Variants in HYDIN observed in about 807,000 individuals in gnomAD.
HYDIN encodes HYDIN axonemal central pair apparatus protein.
In HYDIN, 132 loss-of-function variants were observed where a neutral mutation model predicts 403.9. The observed-to-expected ratio is 0.33, with a 90% confidence interval of 0.28 to 0.38. The LOEUF (loss-of-function observed/expected upper bound fraction) is 0.38. HYDIN is among the 10% of genes least tolerant of loss of function. The pLI is 1.00. For missense variants in HYDIN, 2,827 were observed against 5,009.5 expected, an observed-to-expected ratio of 0.56 and a Z score of 13.15; for synonymous variants, 1,202 against 1,891.7, an observed-to-expected ratio of 0.64 and a Z score of 9.46.
intron 1 of HYDIN, among the ~76,000 whole-genome samples, chr16:71,202,838 C>G (rs950834651): frequency 6.6e-6 from 1 of 152,164 alleles, no homozygotes; most frequent in Non-Finnish European, 1.5e-5. Flanking sequence ...TTCCCTCTCC[C>G]TTGTCCCTCC....
chr16:70,878,059 T>C (rs2040553812), intron 62 of HYDIN, among the ~76,000 whole-genome samples: 1 of 152,156 alleles, frequency 6.6e-6, no homozygotes, highest in South Asian at 2.1e-4. Flanking sequence ...TCATCTTGAA[T>C]TGTAGCTCCC....
At chr16:71,172,330 T>A (rs2086498604) in intron 5 of HYDIN, among the ~76,000 whole-genome samples, 1 of 152,188 alleles carries the variant, frequency 6.6e-6, no homozygotes, top group South Asian at 2.1e-4. Context: ...AGTACTTTGT[T>A]TTGCTTTCCC....
At chr16:71,175,774 C>T in intron 4 of HYDIN, 33 bp from the exon 5 acceptor site, 1 of 1,612,234 alleles carries the variant, frequency 6.2e-7, no homozygotes, top group Non-Finnish European at 8.5e-7. Context: ...GAACATCGTG[C>T]ATGTGAAAAA....
chr16:71,211,247 A>G (rs186910801), intron 1 of HYDIN, among the ~76,000 whole-genome samples: 1 of 152,348 alleles, frequency 6.6e-6, no homozygotes, highest in Admixed American at 6.5e-5. Flanking sequence ...TTTGCAGCCC[A>G]GGTCCACATC....
chr16:71,215,956 T>C (rs1426535627), intron 1 of HYDIN, among the ~76,000 whole-genome samples: 2 of 152,132 alleles, frequency 1.3e-5, no homozygotes, highest in African/African-American at 4.8e-5. Flanking sequence ...AGGCAAAATC[T>C]GAGTCTGATA....
At position 71,135,296 on chromosome 16, in the gene HYDIN, G is replaced by A. The variant is rs558541742; in HGVS notation, c.1043+1855C>T. Reference sequence around the variant, plus strand: ...AAGAGATAGGGGTGTGAGTGTCAGGGGAGGTGAAGTGGGGAAAAAACTAAA... The same window carrying A: ...AAGAGATAGGGGTGTGAGTGTCAGGAGAGGTGAAGTGGGGAAAAAACTAAA... On this transcript the variant is annotated intron_variant, in intron 8 of 85. Transcript: ENST00000393567. Among the ~76,000 whole-genome samples the A allele has an allele frequency of 2.9e-4, 44 of 151,890 alleles. No homozygotes were observed. The East Asian group carries it at 6.6e-3, about 23-fold the overall frequency.
Position 71,010,378 on chromosome 16 carries a change from C to A in HYDIN, c.3644+7751G>T, listed in dbSNP as rs1162033369. Among the ~76,000 whole-genome samples the A allele has an allele frequency of 2.6e-5, 4 of 152,124 alleles. No homozygotes were observed. In the South Asian group the frequency reaches 6.2e-4, roughly 24 times the overall value. ...CAAAAGCTTAGATCAGTGAGAGGTA[C>A]CTGCGGCCCTTGGACCCTGTGAGAC... On this transcript the variant is annotated intron_variant, in intron 23 of 85. Transcript: ENST00000393567.
At chr16:70,822,540 G>T (rs561980028) in intron 83 of HYDIN, among the ~76,000 whole-genome samples, 1 of 152,352 alleles carries the variant, frequency 6.6e-6, no homozygotes, top group Non-Finnish European at 1.5e-5. Context: ...TGAGCGGACT[G>T]ACTCCGATTT....
intron 1 of HYDIN, among the ~76,000 whole-genome samples, chr16:71,205,340 A>G (rs570134185): frequency 6.6e-6 from 1 of 152,352 alleles, no homozygotes; most frequent in African/African-American, 2.4e-5. Context: ...AGGCTCTCCA[A>G]CACGGGAAAG....
intron 1 of HYDIN, among the ~76,000 whole-genome samples, chr16:71,230,275 C>A (rs2144785997): frequency 6.6e-6 from 1 of 152,292 alleles, no homozygotes; most frequent in South Asian, 2.1e-4. Context: ...GGAAATGATT[C>A]GTCCAAGGCC....
chr16:71,081,400 T>G (rs964872987), intron 12 of HYDIN, among the ~76,000 whole-genome samples: 3 of 151,346 alleles, frequency 2.0e-5, no homozygotes, highest in Admixed American at 6.6e-5. Context: ...AGGGAGTGGT[T>G]GGGACTCAGC....
rs117063445 is a variant in HYDIN at position 71,208,773 on chromosome 16, G to A, written c.-24+21789C>T. 2.9e-3 allele frequency among the ~76,000 whole-genome samples: 434 copies of A among 151,920 alleles called. 1 individual carries two copies. Among genetic ancestry groups the A allele is most frequent in the Non-Finnish European group, 5.2e-3 (354 of 67,826 alleles). Reference sequence around the variant, plus strand: ...AAATAACCATCAGAGACTCCTTTATGCATACAAATTAGAAAATCTAGAAGA... The same window carrying A: ...AAATAACCATCAGAGACTCCTTTATACATACAAATTAGAAAATCTAGAAGA... On this transcript the variant is annotated intron_variant, in intron 1 of 85. Transcript: ENST00000393567.
In HYDIN at chr16:70,902,104, T is replaced by C. The variant is rs1373572609; in HGVS notation, c.8850-902A>G. ...TAGCACATTAAAAATGCCATTCTAT[T>C]GTCTTCCAGCTTCCTTTGTTACTGA... On this transcript the variant is annotated intron_variant, in intron 52 of 85. Transcript: ENST00000393567. Among the ~76,000 whole-genome samples the C allele has an allele frequency of 2.7e-5, 4 of 150,494 alleles. No individual in the cohort carries two copies. In the East Asian group the frequency reaches 7.8e-4, roughly 29 times the overall value.
At chr16:71,025,994 C>T (rs1182706915) in intron 20 of HYDIN, among the ~76,000 whole-genome samples, 4 of 149,968 alleles carry the variant, frequency 2.7e-5, no homozygotes, top group African/African-American at 4.9e-5. Flanking sequence ...TCTGCCTCCC[C>T]GGTTCAAGCG....
Position 71,051,731 on chromosome 16 carries a change from C to T in HYDIN, c.2529+8773G>A, listed in dbSNP as rs185592375. Among the ~76,000 whole-genome samples the T allele has an allele frequency of 2.6e-3, 399 of 152,060 alleles. 1 individual carries two copies. Among genetic ancestry groups the T allele is most frequent in the African/African-American group, 8.9e-3 (369 of 41,502 alleles). On this transcript the variant is annotated intron_variant, in intron 18 of 85. Transcript: ENST00000393567. ...GAGGAATAACAGCGTCTACTCTAACCTCTACTATTCAGCATTGCATTGAAA... is the reference window on the plus strand; with the variant it reads ...GAGGAATAACAGCGTCTACTCTAACTTCTACTATTCAGCATTGCATTGAAA...
At chr16:70,820,897 C>T (rs2036215410) in intron 83 of HYDIN, among the ~76,000 whole-genome samples, 2 of 152,084 alleles carry the variant, frequency 1.3e-5, no homozygotes, top group Non-Finnish European at 2.9e-5. Context: ...GATCCGTCTG[C>T]CTCAGCCTCC....
intron 60 of HYDIN, among the ~76,000 whole-genome samples, chr16:70,880,365 G>A (rs1754363205): frequency 6.9e-6 from 1 of 144,014 alleles, no homozygotes; most frequent in Admixed American, 6.9e-5. Context: ...GGCCGGTGCT[G>A]GTTGTTAAAA....
intron 21 of HYDIN, among the ~76,000 whole-genome samples, chr16:71,024,985 G>C (rs1249795579): frequency 6.6e-6 from 1 of 152,158 alleles, no homozygotes; most frequent in African/African-American, 2.4e-5. Flanking sequence ...ATGGCTCCAT[G>C]TCTAGCAAGT....
rs528094730 is a variant in HYDIN, at chr16:70,938,658, T to C, written c.6951A>G (p.Thr2317=). 176 of 1,608,716 alleles carry C rather than the reference T, an allele frequency of 1.1e-4. 1 individual carries two copies. The South Asian group carries it at 1.3e-3, about 12-fold the overall frequency. The part of the protein sequence containing the change: ...YDALTEEEKL[T]FDRGIQQALR... ...GCGCCTGCTGAATCCCCCGATCGAA[T>C]GTGAGTTTCTCCTCCTCAGTCAGGG... is the stretch of plus-strand genomic sequence containing the variant. The change falls in exon 44 of 86, where the codon ACA becomes ACG. Residue 2317 remains threonine, a synonymous_variant. Coordinates refer to ENST00000393567, the MANE Select transcript of HYDIN (RefSeq NM_001270974.2).
Sources: gnomAD v4.1 joint callset for allele counts (sites outside exome capture counted in the v4.1 genomes callset) on GRCh38, gnomAD v4.1.1 for gene constraint, MANE v1.5 for transcripts, NCBI Gene and HGNC (gene_info 2026-07-23, HGNC 2026-07-21) for gene names.